Variants in VAT1L observed in about 807,000 individuals in gnomAD.
VAT1L encodes the protein putative NADPH-dependent quinone oxidoreductase VAT1L.
In VAT1L, 34 loss-of-function variants were observed where a neutral mutation model predicts 44.1. The ratio of observed to expected loss-of-function variants is 0.77; its 90% CI spans 0.59 to 1.03. VAT1L has a LOEUF of 1.03. Among genes scored for constraint, VAT1L ranks in the 50% least tolerant of loss-of-function variants. VAT1L has a pLI of 0.00. For missense variants in VAT1L, 615 were observed against 538.8 expected, an observed-to-expected ratio of 1.14 and a Z score of -1.40; for synonymous variants, 253 against 202.2, an observed-to-expected ratio of 1.25 and a Z score of -2.13.
chr16:77,882,173 A>T (rs1342496328), intron 6 of VAT1L: 2 of 152,222 alleles, frequency 1.3e-5, no homozygotes, highest in African/African-American at 4.8e-5. Flanking sequence ...CTTTGCTCTG[A>T]AAAGTCCTAG....
At chr16:77,923,741 T>G (rs952873821) in intron 7 of VAT1L, among the ~76,000 whole-genome samples, 16 of 152,280 alleles carry the variant, frequency 1.1e-4, no homozygotes, top group Admixed American at 9.8e-4. Flanking sequence ...CCAGGGTGGC[T>G]TCACACAGTT....
intron 7 of VAT1L, among the ~76,000 whole-genome samples, chr16:77,951,038 G>A (rs2018036421): frequency 1.3e-5 from 2 of 152,156 alleles, no homozygotes; most frequent in African/African-American, 4.8e-5. Flanking sequence ...ACACAGCAGC[G>A]CCCGCGGTCT....
intron 7 of VAT1L, among the ~76,000 whole-genome samples, chr16:77,941,852 G>A (rs908578208): frequency 2.0e-5 from 3 of 152,114 alleles, no homozygotes; most frequent in African/African-American, 7.2e-5. Flanking sequence ...GCCTCCCAGA[G>A]TGCCCAGATT....
At chr16:77,929,226 C>A (rs994977583) in intron 7 of VAT1L, among the ~76,000 whole-genome samples, 4 of 152,140 alleles carry the variant, frequency 2.6e-5, no homozygotes, top group South Asian at 4.1e-4. Context: ...CCAGAAATTC[C>A]CCCTCTCCTT....
intron 7 of VAT1L, among the ~76,000 whole-genome samples, chr16:77,906,484 G>A (rs1567504398): frequency 6.6e-6 from 1 of 152,208 alleles, no homozygotes; most frequent in Non-Finnish European, 1.5e-5. Flanking sequence ...CAGAGCCTGG[G>A]ATACAGACTT....
chr16:77,847,134 T>G, intron 3 of VAT1L, among the ~76,000 whole-genome samples: 1 of 152,172 alleles, frequency 6.6e-6, no homozygotes, highest in East Asian at 1.9e-4. Context: ...TCAGGAGAAC[T>G]TACTAAAATG....
At chr16:77,941,497 A>G (rs2017883051) in intron 7 of VAT1L, among the ~76,000 whole-genome samples, 1 of 152,334 alleles carries the variant, frequency 6.6e-6, no homozygotes, top group Middle Eastern at 3.4e-3. Flanking sequence ...ATGTATCTTC[A>G]TGACAGAATG....
intron 3 of VAT1L, among the ~76,000 whole-genome samples, chr16:77,837,819 G>T (rs1377410724): frequency 6.6e-6 from 1 of 152,176 alleles, no homozygotes; most frequent in Non-Finnish European, 1.5e-5. Context: ...AGGGGGTCTT[G>T]TAATGGACTT....
chr16:77,945,606 G>C (rs1465006603), intron 7 of VAT1L, among the ~76,000 whole-genome samples: 1 of 151,618 alleles, frequency 6.6e-6, no homozygotes, highest in Non-Finnish European at 1.5e-5. Flanking sequence ...TTTTTCAATT[G>C]TTATTTTCTC....
intron 3 of VAT1L, among the ~76,000 whole-genome samples, chr16:77,846,706 G>T (rs768035892): frequency 3.9e-5 from 6 of 152,102 alleles, no homozygotes; most frequent in Non-Finnish European, 7.3e-5. Context: ...TCAGATAGTT[G>T]GTTAAAAGGA....
intron 1 of VAT1L, among the ~76,000 whole-genome samples, chr16:77,795,825 T>TC (rs1208858895): frequency 2.1e-5 from 3 of 140,404 alleles, no homozygotes; most frequent in Non-Finnish European, 4.5e-5. Flanking sequence ...TTTTTTTTTT[T>TC]TTTTTTTTTT....
At chr16:77,963,754 G>A (rs903760237) in intron 7 of VAT1L, among the ~76,000 whole-genome samples, 1 of 151,998 alleles carries the variant, frequency 6.6e-6, no homozygotes, top group Non-Finnish European at 1.5e-5. Flanking sequence ...GGTCCTCACA[G>A]GAAAGGCATA....
chr16:77,831,259 A>G (rs1426506222), intron 3 of VAT1L, among the ~76,000 whole-genome samples: 2 of 152,222 alleles, frequency 1.3e-5, no homozygotes, highest in Non-Finnish European at 2.9e-5. Flanking sequence ...AGGGAGAAAC[A>G]CAGGGCTTAG....
At chr16:77,861,581 G>GT (rs1316038820) in intron 3 of VAT1L, among the ~76,000 whole-genome samples, 2 of 152,218 alleles carry the variant, frequency 1.3e-5, no homozygotes, top group African/African-American at 2.4e-5. Flanking sequence ...TTTGTGCCAG[G>GT]TCTTTGACCT....
At chr16:77,871,013 GTCT>G (rs2017025962) in intron 4 of VAT1L, among the ~76,000 whole-genome samples, 1 of 152,136 alleles carries the variant, frequency 6.6e-6, no homozygotes, top group African/African-American at 2.4e-5. Context: ...GTTCAGTACA[GTCT>G]TTCTATGGGG....
chr16:77,900,967 C>G (rs1399109996), intron 7 of VAT1L, among the ~76,000 whole-genome samples: 1 of 151,882 alleles, frequency 6.6e-6, no homozygotes, highest in Non-Finnish European at 1.5e-5. Flanking sequence ...GAGGCATTTG[C>G]TTTGGGTCAG....
intron 7 of VAT1L, among the ~76,000 whole-genome samples, chr16:77,954,286 G>C (rs956833499): frequency 2.6e-5 from 4 of 152,170 alleles, no homozygotes; most frequent in African/African-American, 9.7e-5. Flanking sequence ...CAGCATGCCA[G>C]GATATTTAAG....
intron 1 of VAT1L, among the ~76,000 whole-genome samples, chr16:77,802,508 G>A (rs944579990): frequency 2.0e-5 from 3 of 151,876 alleles, no homozygotes; most frequent in Non-Finnish European, 4.4e-5. Context: ...CCAGCTACTC[G>A]GGAGGCTGAG....
chr16:77,938,887 C>G (rs539997994), intron 7 of VAT1L, among the ~76,000 whole-genome samples: 42 of 152,088 alleles, frequency 2.8e-4, no homozygotes, highest in African/African-American at 1.0e-3. Flanking sequence ...ATCATCATTG[C>G]TTTTTCTAAA....
Sources: gnomAD v4.1 joint callset for allele counts (sites outside exome capture counted in the v4.1 genomes callset) on GRCh38, gnomAD v4.1.1 for gene constraint, MANE v1.5 for transcripts, NCBI Gene and HGNC (gene_info 2026-07-23, HGNC 2026-07-21) for gene names.